The following INSR variants were observed in gnomAD, a reference collection of about 807,000 sequenced individuals.
INSR encodes the protein insulin receptor.
A neutral mutation model predicts 142.6 loss-of-function variants in INSR; 67 were observed. The ratio of observed to expected loss-of-function variants is 0.47; its 90% CI spans 0.39 to 0.58. INSR has a LOEUF of 0.58. Among genes scored for constraint, INSR ranks in the 20% least tolerant of loss-of-function variants. The pLI, the probability that INSR is intolerant of heterozygous loss-of-function variation, is 0.00. For synonymous variants in INSR, 756 were observed against 743.1 expected, an observed-to-expected ratio of 1.02 and a Z score of -0.28; for missense variants, 1,248 against 1,833.2, an observed-to-expected ratio of 0.68 and a Z score of 5.83.
chr19:7,242,218 G>A (rs773289662), intron 2 of INSR, among the ~76,000 whole-genome samples: 3 of 151,620 alleles, frequency 2.0e-5, no homozygotes, highest in Non-Finnish European at 4.4e-5. Flanking sequence ...AGGAGAAGGA[G>A]GCAAGCCAGA....
At chr19:7,237,068 G>A (rs569649913) in intron 2 of INSR, among the ~76,000 whole-genome samples, 1 of 151,458 alleles carries the variant, frequency 6.6e-6, no homozygotes, top group East Asian at 1.9e-4. Flanking sequence ...TGGGGACTCA[G>A]GGGGAAAGGA....
chr19:7,199,843 G>A (rs931708430), intron 2 of INSR, among the ~76,000 whole-genome samples: 6 of 67,648 alleles, frequency 8.9e-5, no homozygotes, highest in Non-Finnish European at 1.5e-4. Context: ...CATACGCCCC[G>A]TGAAGGGAAA....
At chr19:7,152,489 G>A (rs1257557541) in intron 10 of INSR, 1 of 577,482 alleles carries the variant, frequency 1.7e-6, no homozygotes, top group East Asian at 3.1e-5. Flanking sequence ...AAAGGCAAAT[G>A]CTGAGTTTTG....
chr19:7,229,108 T>A (rs1975875461), intron 2 of INSR, among the ~76,000 whole-genome samples: 1 of 148,894 alleles, frequency 6.7e-6, no homozygotes. Context: ...GATGAGTGGA[T>A]GGATGGATGG....
At chr19:7,152,991 A>G in intron 9 of INSR, 64 bp from the exon 10 acceptor site, 1 of 820,318 alleles carries the variant, frequency 1.2e-6, no homozygotes. Flanking sequence ...ACACACACAC[A>G]CACACCCCAC....
intron 2 of INSR, among the ~76,000 whole-genome samples, chr19:7,215,739 T>C (rs1421613590): frequency 6.6e-6 from 1 of 151,680 alleles, no homozygotes; most frequent in Non-Finnish European, 1.5e-5. Context: ...GGCTAATTTT[T>C]GTAATTTTTA....
chr19:7,254,028 C>A (rs866846520), intron 2 of INSR, among the ~76,000 whole-genome samples: 69 of 125,124 alleles, frequency 5.5e-4, no homozygotes, highest in East Asian at 8.9e-4. Context: ...AACTCCATCT[C>A]AAAAAAAAAA....
intron 2 of INSR, among the ~76,000 whole-genome samples, chr19:7,197,735 TGATTGGCAGGTTCCAGAGTGGGA>T (rs1357689280): frequency 1.6e-5 from 2 of 127,496 alleles, no homozygotes; most frequent in African/African-American, 3.0e-5. Flanking sequence ...TGTGTGTGTG[TGATTGGCAGGTTCCAGAGTGGGA>T]GTGTGTGTGT....
intron 2 of INSR, among the ~76,000 whole-genome samples, chr19:7,263,127 A>G (rs895966765): frequency 2.4e-4 from 37 of 152,082 alleles, no homozygotes; most frequent in African/African-American, 8.0e-4. Context: ...AAAATACAAA[A>G]CTTAGCCGGG....
intron 2 of INSR, among the ~76,000 whole-genome samples, chr19:7,253,248 A>ATTT: frequency 6.6e-6 from 1 of 151,804 alleles, no homozygotes; most frequent in South Asian, 2.1e-4. Flanking sequence ...TTATTTATTT[A>ATTT]ATTATTTGAT....
At position 7,157,939 on chromosome 19, in the gene INSR, T is replaced by C. The variant is rs998405521; in HGVS notation, c.2030-5012A>G. ...GACTGGAAAATACTTCTTAAGTTTA[T>C]AAATAGACATAGAATACCCTGCCTG... On this transcript the variant is annotated intron_variant, in intron 9 of 21. Transcript: ENST00000302850. Among the ~76,000 whole-genome samples the C allele has an allele frequency of 3.3e-5, 5 of 151,826 alleles. 1 individual carries two copies. The highest frequency in any genetic ancestry group is 4.2e-4 in the South Asian group (2 of 4,808).
intron 14 of INSR, among the ~76,000 whole-genome samples, chr19:7,131,855 C>T (rs527549802): frequency 2.0e-5 from 3 of 151,122 alleles, no homozygotes; most frequent in South Asian, 2.1e-4. Flanking sequence ...AAGAATTAGC[C>T]GGGCGTGGTG....
rs757634971 is a variant in INSR at position 7,170,573 on chromosome 19, C to T, written c.1447G>A (p.Asp483Asn). Residue 483 changes from aspartate to asparagine, a missense_variant, in exon 6 of 22, where the codon GAC (aspartate) becomes AAC (asparagine). Asp to Asn is a conservative substitution (Grantham distance 23). This residue lies in a region of INSR where 1,069 missense variants were observed against 1,654.0 expected (regional missense o/e 0.65). Coordinates refer to ENST00000302850, the MANE Select transcript of INSR (RefSeq NM_000208.4). Reference sequence around the variant, plus strand: ...TCCCCATTGGTCTTCAGGGCAATGTCGTTTCTCTCCTGGCGCCCCTTGGTT... The same window carrying T: ...TCCCCATTGGTCTTCAGGGCAATGTTGTTTCTCTCCTGGCGCCCCTTGGTT... ...SGTKGRQERNDIALKTNGDQA... is the reference protein window; with the variant it reads ...SGTKGRQERNNIALKTNGDQA... The T allele has an allele frequency of 5.0e-6, 8 of 1,613,320 alleles. No homozygotes were observed. The highest frequency in any genetic ancestry group is 2.2e-5 in the South Asian group (2 of 91,042).
intron 2 of INSR, among the ~76,000 whole-genome samples, chr19:7,217,454 TGGGGGAA>T (rs1975468810): frequency 6.6e-6 from 1 of 152,214 alleles, no homozygotes; most frequent in Non-Finnish European, 1.5e-5. Flanking sequence ...TGGGCATCTC[TGGGGGAA>T]GGGAGAGGCA....
rs1311283916 is a variant in INSR at position 7,113,926 on chromosome 19, C to T, written c.*3130G>A. ...GCAGTGCCTAAAAGTACAAGAGCAG[C>T]AAGATTTGGGCCCCACTGGTCCTGC... On this transcript the variant is annotated 3_prime_UTR_variant, in exon 22 of 22. Transcript: ENST00000302850. The T allele has an allele frequency of 1.3e-5, 2 of 151,408 alleles. No homozygotes were observed. Among genetic ancestry groups the T allele is most frequent in the African/African-American group, 4.9e-5 (2 of 41,138 alleles). 9.4% of individuals were successfully genotyped at this position (151,408 alleles called of 1,614,324 possible).
Position 7,277,055 on chromosome 19 carries a change from C to T in INSR, c.101-9159G>A, listed in dbSNP as rs537185518. On this transcript the variant is annotated intron_variant, in intron 1 of 21. Transcript: ENST00000302850. ...CTCAGTTTCCTTTAAATGATGACAA[C>T]AGCATAATGAAACCTACAAAGAAGA... 1.4e-4 allele frequency among the ~76,000 whole-genome samples: 21 copies of T among 152,052 alleles called. No homozygotes were observed. In the South Asian group the frequency reaches 4.4e-3, roughly 32 times the overall value.
At chr19:7,233,821 G>A (rs762068643) in intron 2 of INSR, among the ~76,000 whole-genome samples, 9 of 150,648 alleles carry the variant, frequency 6.0e-5, no homozygotes, top group Non-Finnish European at 8.9e-5. Context: ...GACTACAGGC[G>A]CCCGCCACCA....
At chr19:7,139,351 A>C (rs1005237303) in intron 13 of INSR, among the ~76,000 whole-genome samples, 8 of 152,354 alleles carry the variant, frequency 5.3e-5, no homozygotes, top group African/African-American at 1.9e-4. Context: ...CCAAAAAGCT[A>C]AAATGGTTTC....
At position 7,225,581 on chromosome 19, in the gene INSR, T is replaced by C. The variant is rs942637495; in HGVS notation, c.653-40944A>G. On this transcript the variant is annotated intron_variant, in intron 2 of 21. Coordinates refer to ENST00000302850, the MANE Select transcript of INSR (RefSeq NM_000208.4). This position sits in a 1 kb window ranked among gnomAD's most constrained non-coding sequence, Gnocchi z 4.7. ...TAAACCCACCTTCATTAAATGACTA[T>C]CATCATATTCCTCCAGATTCCTTGG... Among the ~76,000 whole-genome samples the C allele has an allele frequency of 6.6e-6, 1 of 152,166 alleles. No homozygotes were observed. The highest frequency in any genetic ancestry group is 1.5e-5 in the Non-Finnish European group (1 of 68,036).
Sources: gnomAD v4.1 joint callset for allele counts (sites outside exome capture counted in the v4.1 genomes callset) on GRCh38, gnomAD v4.1.1 for gene constraint, gnomAD v4.1.1 regional missense constraint, Gnocchi (gnomAD v3.1) non-coding constraint, MANE v1.5 for transcripts, NCBI Gene and HGNC (gene_info 2026-07-23, HGNC 2026-07-21) for gene names.